The following MRPL1 variants were observed in gnomAD, a reference collection of about 807,000 sequenced individuals.
MRPL1 encodes large ribosomal subunit protein uL1m.
In MRPL1, 28 loss-of-function variants were observed where a neutral mutation model predicts 38.0. The ratio of observed to expected loss-of-function variants is 0.74; its 90% confidence interval spans 0.55 to 1.01. The LOEUF is 1.01. Ranked by LOEUF, MRPL1 falls within the 50% of genes least tolerant of loss-of-function variation. The pLI is 0.00. For synonymous variants in MRPL1, 123 were observed against 126.7 expected (o/e 0.97, Z 0.20); for missense variants, 358 against 389.8 (o/e 0.92, Z 0.69).
At chr4:77,891,059 T>C (rs2110239109) in intron 5 of MRPL1, among the ~76,000 whole-genome samples, 2 of 152,290 alleles carry the variant, frequency 1.3e-5, no homozygotes, top group South Asian at 4.1e-4. Flanking sequence ...TGATTTTTGG[T>C]TGCAGAACTA....
At chr4:77,935,512 G>A (rs1422558507) in intron 7 of MRPL1, among the ~76,000 whole-genome samples, 1 of 151,654 alleles carries the variant, frequency 6.6e-6, no homozygotes, top group Non-Finnish European at 1.5e-5. Flanking sequence ...TCCTGCCCTC[G>A]GCCTCATGAG....
At chr4:77,913,284 A>G (rs914325409) in intron 7 of MRPL1, among the ~76,000 whole-genome samples, 5 of 152,200 alleles carry the variant, frequency 3.3e-5, no homozygotes, top group Non-Finnish European at 5.9e-5. Flanking sequence ...GATAAATTCA[A>G]AATATATAAA....
intron 7 of MRPL1, among the ~76,000 whole-genome samples, chr4:77,919,141 T>C (rs1389159821): frequency 3.3e-5 from 5 of 152,196 alleles, no homozygotes; most frequent in African/African-American, 1.2e-4. Flanking sequence ...CCTGTCAGAA[T>C]AGAGACTTTG....
At chr4:77,907,894 T>C (rs1736195523) in intron 6 of MRPL1, among the ~76,000 whole-genome samples, 1 of 145,094 alleles carries the variant, frequency 6.9e-6, no homozygotes, top group Non-Finnish European at 1.5e-5. Flanking sequence ...TTTCTTTTCT[T>C]TTTTTTTTTT....
intron 2 of MRPL1, among the ~76,000 whole-genome samples, chr4:77,872,365 A>G (rs1054715788): frequency 9.2e-5 from 14 of 152,122 alleles, no homozygotes; most frequent in Non-Finnish European, 8.8e-5. Flanking sequence ...TACATCATGT[A>G]TTAGAGGATT....
At chr4:77,932,372 G>T (rs990723848) in intron 7 of MRPL1, among the ~76,000 whole-genome samples, 2 of 152,072 alleles carry the variant, frequency 1.3e-5, no homozygotes, top group African/African-American at 4.8e-5. Flanking sequence ...ACCACAAAAG[G>T]CTCCTGAATT....
chr4:77,944,695 A>T (rs1196558921), intron 7 of MRPL1, among the ~76,000 whole-genome samples: 1 of 152,222 alleles, frequency 6.6e-6, no homozygotes, highest in Non-Finnish European at 1.5e-5. Flanking sequence ...TAAAGGATTC[A>T]TTAGGCAGAG....
intron 7 of MRPL1, among the ~76,000 whole-genome samples, chr4:77,923,945 G>A (rs1736647665): frequency 1.3e-5 from 2 of 151,600 alleles, no homozygotes; most frequent in Admixed American, 1.3e-4. Flanking sequence ...AGGTTGCAGT[G>A]AGCCGAGATT....
intron 7 of MRPL1, among the ~76,000 whole-genome samples, chr4:77,923,986 G>A (rs1736648634): frequency 8.2e-6 from 1 of 121,446 alleles, no homozygotes; most frequent in Non-Finnish European, 1.7e-5. Context: ...GGGAGACAGG[G>A]TAGGACTCTG....
intron 7 of MRPL1, among the ~76,000 whole-genome samples, chr4:77,918,040 C>T (rs981831666): frequency 3.0e-4 from 41 of 136,492 alleles, no homozygotes; most frequent in Middle Eastern, 8.3e-3. Flanking sequence ...GGCAACAGAG[C>T]GAGACTTCAT....
At chr4:77,878,772 G>A (rs1034708622) in intron 2 of MRPL1, among the ~76,000 whole-genome samples, 3 of 152,032 alleles carry the variant, frequency 2.0e-5, no homozygotes, top group Non-Finnish European at 2.9e-5. Flanking sequence ...CCAGCTACTC[G>A]GGAGGCTGAG....
In MRPL1 at chr4:77,894,146, A is replaced by C; in HGVS notation, c.566A>C (p.Asp189Ala). ...GGTSLIQKIWDDEIVADFYVA... is the reference protein window; with the variant it reads ...GGTSLIQKIWADEIVADFYVA... ...TTTTTTTTTAATTTTCAGATTTGGG[A>C]TGATGAAATTGTTGCAGACTTTTAC... is the stretch of plus-strand genomic sequence containing the variant. Residue 189 changes from aspartate to alanine, a missense_variant, in exon 6 of 9, where the codon GAT becomes GCT. Asp to Ala is a moderately radical substitution (Grantham distance 126, BLOSUM62 -2). Coordinates refer to ENST00000315567, the MANE Select transcript of MRPL1 (RefSeq NM_020236.4). 1 of 1,580,608 alleles carries C rather than the reference A, an allele frequency of 6.3e-7. No individual in the cohort carries two copies. The highest frequency in any genetic ancestry group is 8.6e-7 in the Non-Finnish European group (1 of 1,158,220).
intron 2 of MRPL1, 84 bp from the exon 3 acceptor site, chr4:77,883,158 T>C: frequency 1.2e-6 from 1 of 867,810 alleles, no homozygotes; most frequent in Non-Finnish European, 1.6e-6. Flanking sequence ...TTTGTTTTTT[T>C]TTCTCTTATG....
chr4:77,950,367 CT>C (rs1293526054), intron 8 of MRPL1, among the ~76,000 whole-genome samples: 1 of 152,138 alleles, frequency 6.6e-6, no homozygotes, highest in Non-Finnish European at 1.5e-5. Flanking sequence ...AATCACTCAA[CT>C]CAATTGAGAT....
intron 7 of MRPL1, among the ~76,000 whole-genome samples, chr4:77,947,263 T>C (rs527245770): frequency 1.6e-4 from 24 of 152,328 alleles, no homozygotes; most frequent in African/African-American, 5.3e-4. Flanking sequence ...TAAGATTCAG[T>C]AAAGTGGTCT....
chr4:77,899,817 A>G (rs1425734182), intron 6 of MRPL1, among the ~76,000 whole-genome samples: 1 of 152,210 alleles, frequency 6.6e-6, no homozygotes, highest in East Asian at 1.9e-4. Context: ...AAACACAGAG[A>G]AAAGTGAAAG....
chr4:77,877,887 T>C (rs1297920574), intron 2 of MRPL1, among the ~76,000 whole-genome samples: 1 of 150,864 alleles, frequency 6.6e-6, no homozygotes, highest in East Asian at 2.0e-4. Context: ...CCTTTTCCTG[T>C]GTGCCTGCAA....
chr4:77,929,344 C>T lies in MRPL1; in HGVS notation c.777+19972C>T, dbSNP rs187021066. ...GCATTTACTGAATTCTGTCTTTATC[C>T]AAATGCCTGGAGAAGAAATTAAGTG... is the stretch of plus-strand genomic sequence containing the variant. On this transcript the variant is annotated intron_variant, in intron 7 of 8. Transcript: ENST00000315567. Among the ~76,000 whole-genome samples, 21 of 152,118 alleles carry T rather than the reference C, an allele frequency of 1.4e-4. 1 individual carries two copies. In the East Asian group the frequency reaches 4.1e-3, roughly 29 times the overall value.
chr4:77,931,721 G>A (rs1490497600), intron 7 of MRPL1, among the ~76,000 whole-genome samples: 1 of 152,164 alleles, frequency 6.6e-6, no homozygotes, highest in Non-Finnish European at 1.5e-5. Flanking sequence ...AGTGGCTACC[G>A]TGACTGGACA....
Sources: gnomAD v4.1 joint callset for allele counts (sites outside exome capture counted in the v4.1 genomes callset) on GRCh38, gnomAD v4.1.1 for gene constraint, MANE v1.5 for transcripts, NCBI Gene and HGNC (gene_info 2026-07-23, HGNC 2026-07-21) for gene names.